SLIT2: variants seen among roughly 807,000 people sequenced by gnomAD.
The protein encoded by SLIT2 is slit guidance ligand 2.
SLIT2 carries 41 observed loss-of-function variants against 185.7 expected under a neutral mutation model. That is an observed-to-expected ratio of 0.22 (90% CI 0.17 to 0.29). SLIT2 has a LOEUF of 0.29. Among genes scored for constraint, SLIT2 ranks in the 10% least tolerant of loss-of-function variants. The pLI, the probability that SLIT2 is intolerant of heterozygous loss-of-function variation, is 1.00. For missense variants in SLIT2, 1,571 were observed against 1,909.0 expected (o/e 0.82, Z 3.30); for synonymous variants, 693 against 680.2 (o/e 1.02, Z -0.29).
At chr4:20,395,946 G>T (rs754563081) in intron 4 of SLIT2, among the ~76,000 whole-genome samples, 2 of 151,690 alleles carry the variant, frequency 1.3e-5, no homozygotes, top group Non-Finnish European at 2.9e-5. Context: ...ACATTACAAA[G>T]TAAAATTAAT....
intron 4 of SLIT2, 53 bp from the exon 5 acceptor site, chr4:20,467,699 A>AATCT: frequency 9.1e-7 from 1 of 1,098,068 alleles, no homozygotes; most frequent in Non-Finnish European, 1.3e-6. Flanking sequence ...GGATTAAAAT[A>AATCT]ATCTTTAAAT....
intron 9 of SLIT2, among the ~76,000 whole-genome samples, chr4:20,508,150 T>G (rs1321951635): frequency 6.6e-6 from 1 of 152,048 alleles, no homozygotes; most frequent in Non-Finnish European, 1.5e-5. Flanking sequence ...ATACAGTTTA[T>G]TTACTGTCTT....
At chr4:20,336,016 G>A (rs538122987) in intron 4 of SLIT2, among the ~76,000 whole-genome samples, 1 of 152,102 alleles carries the variant, frequency 6.6e-6, no homozygotes, top group South Asian at 2.1e-4. Flanking sequence ...TCTAGGATAG[G>A]GATTTTCATG....
intron 4 of SLIT2, among the ~76,000 whole-genome samples, chr4:20,269,154 C>T (rs1263073875): frequency 6.6e-6 from 1 of 151,568 alleles, no homozygotes; most frequent in African/African-American, 2.4e-5. Flanking sequence ...ATTTACCTAC[C>T]TTTTAATGGA....
At chr4:20,281,831 T>A (rs1021184050) in intron 4 of SLIT2, among the ~76,000 whole-genome samples, 4 of 152,226 alleles carry the variant, frequency 2.6e-5, no homozygotes, top group African/African-American at 7.2e-5. Context: ...CAAAGTTGTA[T>A]GAATGAGAAT....
chr4:20,524,890 C>T (rs924209983), intron 14 of SLIT2, among the ~76,000 whole-genome samples: 1 of 151,968 alleles, frequency 6.6e-6, no homozygotes, highest in Admixed American at 6.6e-5. Context: ...ACTATGCTAC[C>T]TAACTATTCC....
Position 20,596,634 on chromosome 4 carries a change from T to G in SLIT2, c.3540T>G (p.Pro1180=). The change falls in exon 32 of 37, where the codon CCT becomes CCG. Residue 1180 remains proline (P), a synonymous_variant. Transcript: ENST00000504154. ...AGATTCCTTCAGCCAAGGTTCGGCC[T>G]CAGACGAACATAACACTTCAGGTAA... The part of the protein sequence containing the change: ...YLQIPSAKVR[P]QTNITLQIAT... 1 of 1,613,396 alleles carries G rather than the reference T, an allele frequency of 6.2e-7. No homozygotes were observed. The highest frequency in any genetic ancestry group is 1.1e-5 in the South Asian group (1 of 91,066).
At chr4:20,558,572 C>T (rs937296905) in intron 26 of SLIT2, among the ~76,000 whole-genome samples, 1 of 152,114 alleles carries the variant, frequency 6.6e-6, no homozygotes, top group Non-Finnish European at 1.5e-5. Context: ...TTGCAATATT[C>T]ACTTTATTGC....
chr4:20,586,011 T>A (rs1727028651), intron 29 of SLIT2, among the ~76,000 whole-genome samples: 1 of 152,216 alleles, frequency 6.6e-6, no homozygotes, highest in African/African-American at 2.4e-5. Flanking sequence ...CCAGTGCAGC[T>A]TTTAGCTGTC....
chr4:20,362,657 G>T (rs573521441), intron 4 of SLIT2, among the ~76,000 whole-genome samples: 13 of 150,680 alleles, frequency 8.6e-5, no homozygotes, highest in African/African-American at 3.2e-4. Flanking sequence ...CTTCTTTTTA[G>T]CTTGCATAAA....
At chr4:20,392,808 A>T (rs1577565790) in intron 4 of SLIT2, among the ~76,000 whole-genome samples, 1 of 152,074 alleles carries the variant, frequency 6.6e-6, no homozygotes, top group East Asian at 1.9e-4. Flanking sequence ...TCCAGCTGGA[A>T]TGTCTTCAGA....
chr4:20,519,100 TAAAAG>T (rs1720587799), intron 11 of SLIT2, among the ~76,000 whole-genome samples: 1 of 152,092 alleles, frequency 6.6e-6, no homozygotes, highest in African/African-American at 2.4e-5. Flanking sequence ...AAAAACAACT[TAAAAG>T]GAAACATTTC....
At chr4:20,260,226 C>G (rs1176918502) in intron 3 of SLIT2, among the ~76,000 whole-genome samples, 1 of 151,660 alleles carries the variant, frequency 6.6e-6, no homozygotes, top group African/African-American at 2.4e-5. Flanking sequence ...GTCATTAACA[C>G]CAAAAAATTG....
intron 4 of SLIT2, among the ~76,000 whole-genome samples, chr4:20,343,715 C>T (rs1437693173): frequency 6.7e-6 from 1 of 149,488 alleles, no homozygotes; most frequent in Non-Finnish European, 1.5e-5. Flanking sequence ...CTATGTTGCT[C>T]AGGCTGGTCT....
chr4:20,604,507 G>A (rs1007054370), intron 33 of SLIT2, among the ~76,000 whole-genome samples: 7 of 151,702 alleles, frequency 4.6e-5, no homozygotes, highest in Non-Finnish European at 5.9e-5. Flanking sequence ...TCACCCCTAC[G>A]CCTAGCTTTT....
At position 20,595,675 on chromosome 4, in the gene SLIT2, C is replaced by T. The variant is rs73093154; in HGVS notation, c.3183-22C>T. The stretch of plus-strand genomic sequence containing the variant: ...ATTTTGGCTCAGTTGGGTTTGAAAC[C>T]ATTACCTGCTTGTTCCAACAGATGT... On this transcript the variant is annotated intron_variant, in intron 30 of 36. Coordinates refer to ENST00000504154, the MANE Select transcript of SLIT2 (RefSeq NM_004787.4). The T allele has an allele frequency of 2.9e-3, 4,752 of 1,612,088 alleles. 109 individuals are homozygous for T. The African/African-American group carries it at 0.056, about 19-fold the overall frequency.
intron 3 of SLIT2, among the ~76,000 whole-genome samples, chr4:20,264,001 C>A (rs183383428): frequency 6.6e-5 from 10 of 151,880 alleles, no homozygotes; most frequent in African/African-American, 2.4e-4. Flanking sequence ...GCTTAACAAC[C>A]CTTCAATGGT....
At chr4:20,271,980 T>A (rs1462777086) in intron 4 of SLIT2, among the ~76,000 whole-genome samples, 9 of 152,122 alleles carry the variant, frequency 5.9e-5, no homozygotes, top group Non-Finnish European at 8.8e-5. Flanking sequence ...CGGCCAAATA[T>A]GCTTTTCCTT....
chr4:20,607,771 G>A (rs1728900795), intron 33 of SLIT2, among the ~76,000 whole-genome samples: 1 of 151,984 alleles, frequency 6.6e-6, no homozygotes, highest in African/African-American at 2.4e-5. Flanking sequence ...TCTTTTCTTT[G>A]CAATTTTAAA....
Sources: allele counts gnomAD v4.1 joint callset (sites outside exome capture counted in the v4.1 genomes callset), GRCh38; gene constraint gnomAD v4.1.1; transcripts MANE v1.5; gene names NCBI Gene and HGNC (gene_info 2026-07-23, HGNC 2026-07-21).